Variants in ANKS1A observed in about 807,000 individuals in gnomAD.
ANKS1A encodes the protein ankyrin repeat and SAM domain-containing protein 1A.
ANKS1A carries 55 observed loss-of-function variants against 120.3 expected under a neutral mutation model. The ratio of observed to expected loss-of-function variants is 0.46; its 90% CI spans 0.37 to 0.57. The LOEUF is 0.57. Among genes scored for constraint, ANKS1A ranks in the 20% least tolerant of loss-of-function variants. The pLI is 0.00. For synonymous variants in ANKS1A, 590 were observed against 604.7 expected (o/e 0.98, Z 0.36); for missense variants, 1,123 against 1,480.3 (o/e 0.76, Z 3.96).
chr6:35,029,565 G>C (rs925286742), intron 11 of ANKS1A, among the ~76,000 whole-genome samples: 1 of 151,426 alleles, frequency 6.6e-6, no homozygotes, highest in Non-Finnish European at 1.5e-5. Context: ...GGCCAGGCTG[G>C]TCTGGAACTC....
intron 1 of ANKS1A, among the ~76,000 whole-genome samples, chr6:34,897,173 G>T (rs956163551): frequency 4.0e-5 from 6 of 151,896 alleles, no homozygotes; most frequent in Non-Finnish European, 8.8e-5. Flanking sequence ...TTGAAGTTCA[G>T]TTTTTACTTT....
rs145123567 is a variant in ANKS1A at position 34,891,358 on chromosome 6, T to C, written c.197+1759T>C. Among the ~76,000 whole-genome samples the C allele has an allele frequency of 6.6e-5, 10 of 152,346 alleles. No homozygotes were observed. In the East Asian group the frequency reaches 1.7e-3, roughly 26 times the overall value. ...ATACTTCCATATATCATGTTTATAT[T>C]CTCAGTCCCTAGATCAGTGCCTGAC... On this transcript the variant is annotated intron_variant, in intron 1 of 23. Coordinates refer to ENST00000360359, the MANE Select transcript of ANKS1A (RefSeq NM_015245.3).
chr6:35,026,589 C>A (rs906210842), intron 11 of ANKS1A, among the ~76,000 whole-genome samples: 3 of 151,954 alleles, frequency 2.0e-5, no homozygotes, highest in South Asian at 2.1e-4. Context: ...GGATTGCTGC[C>A]GTTAGGTGAG....
intron 1 of ANKS1A, among the ~76,000 whole-genome samples, chr6:34,916,474 G>A (rs1279251911): frequency 6.6e-6 from 1 of 152,182 alleles, no homozygotes; most frequent in Non-Finnish European, 1.5e-5. Flanking sequence ...GACTGCTGTA[G>A]AAGAAAAATT....
intron 11 of ANKS1A, among the ~76,000 whole-genome samples, chr6:35,043,594 A>G (rs542609377): frequency 2.0e-5 from 3 of 152,318 alleles, no homozygotes; most frequent in South Asian, 4.1e-4. Context: ...CACATGTGCC[A>G]TTGTTCCAGT....
chr6:34,903,172 C>T (rs1767445482), intron 1 of ANKS1A, among the ~76,000 whole-genome samples: 1 of 152,090 alleles, frequency 6.6e-6, no homozygotes, highest in South Asian at 2.1e-4. Flanking sequence ...ATGTGTGGGG[C>T]GTTCCCACTG....
At chr6:34,916,401 A>C (rs1012624169) in intron 1 of ANKS1A, among the ~76,000 whole-genome samples, 2 of 151,916 alleles carry the variant, frequency 1.3e-5, no homozygotes, top group African/African-American at 4.8e-5. Context: ...AATATTGCTA[A>C]TTGGAGTTAA....
At position 35,089,405 on chromosome 6, in the gene ANKS1A, C is replaced by G; in HGVS notation, c.*796C>G. On this transcript the variant is annotated 3_prime_UTR_variant, in exon 24 of 24. Transcript: ENST00000360359. ...CTCTTACCTGTCAGTGATCGGAGCACTGCCCTGGGCTGGCCGGCGCCGTAC... is the reference window on the plus strand; with the variant it reads ...CTCTTACCTGTCAGTGATCGGAGCAGTGCCCTGGGCTGGCCGGCGCCGTAC... 2.0e-6 allele frequency: 2 copies of G among 986,700 alleles called. No individual in the cohort carries two copies. The highest frequency in any genetic ancestry group is 2.4e-6 in the Non-Finnish European group (2 of 830,572). 61.1% of individuals were successfully genotyped at this position (986,700 alleles called of 1,614,324 possible).
At chr6:35,088,304 G>A (rs1164883569) in intron 23 of ANKS1A, among the ~76,000 whole-genome samples, 1 of 152,198 alleles carries the variant, frequency 6.6e-6, no homozygotes, top group Non-Finnish European at 1.5e-5. Flanking sequence ...GCGCCCATAG[G>A]CAGCCGTGCA....
Position 34,967,167 on chromosome 6 carries a change from G to C in ANKS1A, c.198-72G>C. On this transcript the variant is annotated intron_variant, in intron 1 of 23. Transcript: ENST00000360359. The stretch of plus-strand genomic sequence containing the variant: ...CACAGAAATCTTTACTAATTAGCTA[G>C]CTATCTCTAACTTTGGTTTGTGACT... The C allele has an allele frequency of 6.9e-6, 10 of 1,451,142 alleles. No individual in the cohort carries two copies. The South Asian group carries it at 1.2e-4, about 17-fold the overall frequency. The allele number at this position is 1,451,142 out of a possible 1,614,324, so 89.9% of individuals were successfully genotyped here.
chr6:34,995,653 A>G (rs1247302865), intron 10 of ANKS1A, among the ~76,000 whole-genome samples: 11 of 152,204 alleles, frequency 7.2e-5, no homozygotes. Flanking sequence ...ATATAAATGG[A>G]ATCATACAAT....
At chr6:34,980,277 C>T (rs1038580440) in intron 3 of ANKS1A, among the ~76,000 whole-genome samples, 4 of 152,272 alleles carry the variant, frequency 2.6e-5, no homozygotes, top group Non-Finnish European at 5.9e-5. Context: ...GCTTCCTCTG[C>T]ATCCTCTGTT....
Position 35,070,643 on chromosome 6 carries a change from C to T in ANKS1A, c.2185-7915C>T, listed in dbSNP as rs1777034636. On this transcript the variant is annotated intron_variant, in intron 13 of 23. Coordinates refer to ENST00000360359, the MANE Select transcript of ANKS1A (RefSeq NM_015245.3). The stretch of plus-strand genomic sequence containing the variant: ...TAGCTGGGACTACAGGTGTCTGCCA[C>T]CACGCTAATTTTTTGTATTTTTACT... Among the ~76,000 whole-genome samples the T allele has an allele frequency of 3.9e-5, 6 of 151,986 alleles. No homozygotes were observed. In the South Asian group the frequency reaches 1.2e-3, roughly 32 times the overall value.
At chr6:34,929,851 TTC>T (rs983303646) in intron 1 of ANKS1A, among the ~76,000 whole-genome samples, 1 of 149,458 alleles carries the variant, frequency 6.7e-6, no homozygotes, top group Admixed American at 6.7e-5. Flanking sequence ...TTCTTTCTCT[TTC>T]TCTCTCTTTC....
chr6:35,051,083 C>A (rs1227447465), intron 11 of ANKS1A, among the ~76,000 whole-genome samples: 1 of 152,070 alleles, frequency 6.6e-6, no homozygotes, highest in East Asian at 1.9e-4. Flanking sequence ...AACCCCAGTG[C>A]TTTGGGAGGC....
chr6:35,083,108 A>C, intron 18 of ANKS1A, 47 bp from the exon 19 acceptor site: 3 of 1,607,720 alleles, frequency 1.9e-6, no homozygotes, highest in Non-Finnish European at 2.6e-6. Context: ...TCACCCCTGC[A>C]TGGAAACGCA....
At chr6:35,034,548 C>T (rs1209275608) in intron 11 of ANKS1A, among the ~76,000 whole-genome samples, 4 of 152,176 alleles carry the variant, frequency 2.6e-5, no homozygotes, top group African/African-American at 9.7e-5. Flanking sequence ...CACCATGTAC[C>T]CTTGTCAAAT....
At chr6:35,029,687 C>T (rs1035399318) in intron 11 of ANKS1A, among the ~76,000 whole-genome samples, 2 of 149,668 alleles carry the variant, frequency 1.3e-5, no homozygotes, top group East Asian at 1.9e-4. Flanking sequence ...GAAGACTTTC[C>T]TTACTCTAAG....
intron 5 of ANKS1A, 80 bp from the exon 6 acceptor site, chr6:34,983,033 T>C: frequency 7.0e-7 from 1 of 1,423,110 alleles, no homozygotes; most frequent in Non-Finnish European, 9.9e-7. Flanking sequence ...CTGACAGCCT[T>C]AAATGTCCTA....
Sources: gnomAD v4.1 joint callset for allele counts (sites outside exome capture counted in the v4.1 genomes callset) on GRCh38, gnomAD v4.1.1 for gene constraint, MANE v1.5 for transcripts, NCBI Gene and HGNC (gene_info 2026-07-23, HGNC 2026-07-21) for gene names.